ANO10: variants seen among roughly 807,000 people sequenced by gnomAD.
ANO10 encodes anoctamin-10.
ANO10 carries 77 observed loss-of-function variants against 74.7 expected under a neutral mutation model. The observed-to-expected ratio is 1.03, with a 90% CI of 0.86 to 1.25. The LOEUF (loss-of-function observed/expected upper bound fraction) is 1.25. Among genes scored for constraint, ANO10 ranks in the 50% most tolerant of loss-of-function variants. ANO10 has a pLI of 0.00. For missense variants in ANO10, 721 were observed against 778.1 expected (o/e 0.93, Z 0.87); for synonymous variants, 279 against 284.9 (o/e 0.98, Z 0.21).
intron 12 of ANO10, among the ~76,000 whole-genome samples, chr3:43,369,766 C>T (rs753571863): frequency 6.6e-6 from 1 of 152,206 alleles, no homozygotes; most frequent in Non-Finnish European, 1.5e-5. Flanking sequence ...ATGGCAGAAC[C>T]AGAAATTAAA....
chr3:43,411,695 T>C (rs1261354510), intron 12 of ANO10, among the ~76,000 whole-genome samples: 2 of 152,186 alleles, frequency 1.3e-5, no homozygotes, highest in Admixed American at 6.5e-5. Context: ...ACTCATACTT[T>C]AGCTACAAAA....
At chr3:43,661,057 T>C (rs1179371716) in intron 1 of ANO10, among the ~76,000 whole-genome samples, 3 of 152,084 alleles carry the variant, frequency 2.0e-5, no homozygotes, top group Non-Finnish European at 4.4e-5. Context: ...CAGAGACCAC[T>C]ACAAAGATGC....
chr3:43,506,919 C>T (rs2077315809), intron 11 of ANO10, among the ~76,000 whole-genome samples: 1 of 152,184 alleles, frequency 6.6e-6, no homozygotes, highest in Admixed American at 6.5e-5. Flanking sequence ...TCATTATCAT[C>T]TATCTTCCCC....
chr3:43,626,730 C>A (rs2083496383), upstream of ANO10, among the ~76,000 whole-genome samples: 1 of 152,094 alleles, frequency 6.6e-6, no homozygotes, highest in Non-Finnish European at 1.5e-5. Flanking sequence ...TCCGTATTTC[C>A]CCTACTGATT....
intron 12 of ANO10, chr3:43,372,696 AT>A (rs570935621): frequency 1.8e-5 from 12 of 672,064 alleles, no homozygotes; most frequent in African/African-American, 5.4e-5. Flanking sequence ...TTGTTTGCAG[AT>A]TTTTTTTCTG....
chr3:43,504,280 ATAGG>A (rs202181247), intron 11 of ANO10, among the ~76,000 whole-genome samples: 30 of 143,662 alleles, frequency 2.1e-4, no homozygotes, highest in African/African-American at 3.1e-4. Context: ...AAATAAGTAG[ATAGG>A]TAGGTAGGTA....
intron 1 of ANO10, among the ~76,000 whole-genome samples, chr3:43,644,735 T>C (rs1376338213): frequency 3.3e-5 from 5 of 152,236 alleles, no homozygotes; most frequent in East Asian, 3.8e-4. Context: ...ACCTCTTCAA[T>C]GGGTCAGCCA....
chr3:43,541,995 A>T (rs1474895966), intron 11 of ANO10, among the ~76,000 whole-genome samples: 3 of 152,216 alleles, frequency 2.0e-5, no homozygotes, highest in East Asian at 1.9e-4. Flanking sequence ...GAGAAATATG[A>T]TCAGAGTTTC....
intron 11 of ANO10, among the ~76,000 whole-genome samples, chr3:43,495,774 C>T (rs2076891437): frequency 6.6e-6 from 1 of 152,012 alleles, no homozygotes; most frequent in Admixed American, 6.6e-5. Flanking sequence ...AATCTCGGCT[C>T]ACTGCAACCT....
At chr3:43,466,042 T>G (rs1361789331) in intron 11 of ANO10, among the ~76,000 whole-genome samples, 1 of 152,030 alleles carries the variant, frequency 6.6e-6, no homozygotes, top group Non-Finnish European at 1.5e-5. Flanking sequence ...AGAACAAAGT[T>G]ACAGGACTAA....
chr3:43,626,185 C>T (rs188474421), upstream of ANO10, among the ~76,000 whole-genome samples: 20 of 152,070 alleles, frequency 1.3e-4, no homozygotes, highest in East Asian at 2.3e-3. Flanking sequence ...CCACCCACCT[C>T]GGCCTCTCAA....
In ANO10 at chr3:43,595,088, C is replaced by T. The variant is rs183552568; in HGVS notation, c.472+3444G>A. ...GAAGAAGGTGAATCCCTGAATAGAC[C>T]AATAACAGACTCTGAAATTGAGGCA... On this transcript the variant is annotated intron_variant, in intron 4 of 12. Coordinates refer to ENST00000292246, the MANE Select transcript of ANO10 (RefSeq NM_018075.5). Among the ~76,000 whole-genome samples, 489 of 152,216 alleles carry T rather than the reference C, an allele frequency of 3.2e-3. 1 individual carries two copies. Among genetic ancestry groups the T allele is most frequent in the African/African-American group, 0.011 (454 of 41,516 alleles).
At chr3:43,484,042 C>A (rs1040240169) in intron 11 of ANO10, among the ~76,000 whole-genome samples, 1 of 152,080 alleles carries the variant, frequency 6.6e-6, no homozygotes, top group Non-Finnish European at 1.5e-5. Context: ...ACTCAATGAT[C>A]CTCCCACCTC....
At chr3:43,653,875 T>C (rs2083816119) in intron 1 of ANO10, among the ~76,000 whole-genome samples, 1 of 151,818 alleles carries the variant, frequency 6.6e-6, no homozygotes, top group Non-Finnish European at 1.5e-5. Flanking sequence ...GGTTAATGGT[T>C]AAGCCTAACA....
intron 12 of ANO10, among the ~76,000 whole-genome samples, chr3:43,422,590 G>A (rs2092836079): frequency 6.6e-6 from 1 of 152,120 alleles, no homozygotes; most frequent in Admixed American, 6.5e-5. Context: ...TCTGTGGAAT[G>A]GACCTGTGCC....
chr3:43,470,916 C>T (rs905427541), intron 11 of ANO10, among the ~76,000 whole-genome samples: 7 of 152,070 alleles, frequency 4.6e-5, no homozygotes, highest in Admixed American at 1.3e-4. Flanking sequence ...TGTGCACCAC[C>T]GCTCTTGGCC....
At chr3:43,514,574 A>T (rs1411830122) in intron 11 of ANO10, among the ~76,000 whole-genome samples, 1 of 152,170 alleles carries the variant, frequency 6.6e-6, no homozygotes, top group Non-Finnish European at 1.5e-5. Flanking sequence ...AAAAGTAGAC[A>T]AAAAAAGCAG....
At chr3:43,596,002 C>A (rs1326006844) in intron 4 of ANO10, among the ~76,000 whole-genome samples, 2 of 152,114 alleles carry the variant, frequency 1.3e-5, no homozygotes, top group Admixed American at 6.6e-5. Flanking sequence ...TGAGTGAACT[C>A]CCATTCACAG....
chr3:43,639,152 T>A (rs1323999281), intron 1 of ANO10: 1 of 152,294 alleles, frequency 6.6e-6, no homozygotes, highest in Non-Finnish European at 1.5e-5. Flanking sequence ...AATCACCTAC[T>A]CTCCAAAGTC....
Sources: gnomAD v4.1 joint callset for allele counts (sites outside exome capture counted in the v4.1 genomes callset) on GRCh38, gnomAD v4.1.1 for gene constraint, MANE v1.5 for transcripts, NCBI Gene and HGNC (gene_info 2026-07-23, HGNC 2026-07-21) for gene names.